Variants in GYS2 observed in about 807,000 individuals in gnomAD.
GYS2 encodes glycogen [starch] synthase, liver.
A neutral mutation model predicts 85.6 loss-of-function variants in GYS2; 80 were observed. The ratio of observed to expected loss-of-function variants is 0.93; its 90% confidence interval spans 0.78 to 1.13. GYS2 has a LOEUF of 1.13. GYS2 is among the 50% of genes most tolerant of loss of function. The probability of loss-of-function intolerance (pLI) is 0.00; values close to 1 mark genes in which losing one functional copy is unlikely to be tolerated. For synonymous variants in GYS2, 328 were observed against 300.7 expected, an observed-to-expected ratio of 1.09 and a Z score of -0.94; for missense variants, 881 against 854.9, an observed-to-expected ratio of 1.03 and a Z score of -0.38.
At chr12:21,568,603 A>G (rs565687812) in intron 5 of GYS2, among the ~76,000 whole-genome samples, 2 of 152,336 alleles carry the variant, frequency 1.3e-5, no homozygotes, top group Admixed American at 1.3e-4. Context: ...CATTATGACA[A>G]CCCAGGTCAT....
At position 21,550,314 on chromosome 12, in the gene GYS2, AACACACACACACACACACAC is replaced by A. The variant is rs10582787; in HGVS notation, c.1423-3864_1423-3845del. Among the ~76,000 whole-genome samples, 39 of 148,330 alleles carry A rather than the reference AACACACACACACACACACAC, an allele frequency of 2.6e-4. No individual in the cohort carries two copies. The East Asian group carries it at 6.5e-3, about 25-fold the overall frequency. On this transcript the variant is annotated intron_variant, in intron 11 of 15. Coordinates refer to ENST00000261195, the MANE Select transcript of GYS2 (RefSeq NM_021957.4). Reference sequence around the variant, plus strand: ...CCAAGTGCTCTGAGTAGACAGAAAGAACACACACACACACACACACACACACACACACACACACCCCTGGT... The same window carrying A: ...CCAAGTGCTCTGAGTAGACAGAAAGAACACACACACACACACACCCCTGGT...
intron 2 of GYS2, among the ~76,000 whole-genome samples, chr12:21,578,523 A>C (rs888615139): frequency 1.3e-5 from 2 of 152,078 alleles, no homozygotes; most frequent in Non-Finnish European, 2.9e-5. Context: ...TACATCTCAA[A>C]CATGTCCAAA....
At chr12:21,589,835 C>T (rs1198996275) in intron 1 of GYS2, among the ~76,000 whole-genome samples, 1 of 152,070 alleles carries the variant, frequency 6.6e-6, no homozygotes, top group Non-Finnish European at 1.5e-5. Context: ...CCCTGCCATC[C>T]CCATTACTGA....
intron 10 of GYS2, among the ~76,000 whole-genome samples, chr12:21,558,754 A>G (rs1298666158): frequency 6.6e-6 from 1 of 152,184 alleles, no homozygotes; most frequent in Non-Finnish European, 1.5e-5. Context: ...ACTAAGAAAT[A>G]TTCTTTTCTC....
At chr12:21,594,209 C>T (rs11494724) in intron 1 of GYS2, among the ~76,000 whole-genome samples, 7,688 of 152,104 alleles carry the variant, frequency 0.051, 261 homozygotes, top group Non-Finnish European at 0.07. Context: ...ATGCCCACTT[C>T]CATCACTCCT....
At position 21,546,487 on chromosome 12, in the gene GYS2, C is replaced by G; in HGVS notation, c.1423-17G>C. The G allele has an allele frequency of 6.4e-7, 1 of 1,557,598 alleles. No homozygotes were observed. Among genetic ancestry groups the G allele is most frequent in the Non-Finnish European group, 8.8e-7 (1 of 1,140,868 alleles). On this transcript the variant is annotated splice_polypyrimidine_tract_variant and intron_variant, in intron 11 of 15. Coordinates refer to ENST00000261195, the MANE Select transcript of GYS2 (RefSeq NM_021957.4). ...CAAAATCACCTAAAAAAGGAAAATT[C>G]TAATTTAAAAAAAAAGAAAAAGGAG...
At chr12:21,601,597 A>G (rs1944757202) in intron 1 of GYS2, among the ~76,000 whole-genome samples, 1 of 152,116 alleles carries the variant, frequency 6.6e-6, no homozygotes, top group African/African-American at 2.4e-5. Context: ...TCATCATTAG[A>G]GAGGTTTTTC....
Position 21,539,358 on chromosome 12 carries a change from T to C in GYS2, c.1810-20A>G. 7.1e-7 allele frequency: 1 copy of C among 1,417,456 alleles called. No individual in the cohort carries two copies. Among genetic ancestry groups the C allele is most frequent in the South Asian group, 1.2e-5 (1 of 86,882 alleles). 87.8% of individuals were successfully genotyped at this position (1,417,456 alleles called of 1,614,324 possible). A position where few individuals can be genotyped will look rare whatever the true frequency, so the allele number is the denominator to read the frequency against. On this transcript the variant is annotated intron_variant, in intron 14 of 15. Transcript: ENST00000261195. ...GTAATACTATTGATAGAAAGCCAAA[T>C]CACAGGTTAATAAAAACCCTTAGAT...
intron 10 of GYS2, among the ~76,000 whole-genome samples, 153 bp downstream of exon 10, chr12:21,558,938 G>A (rs749116298): frequency 6.6e-6 from 1 of 152,148 alleles, no homozygotes; most frequent in Non-Finnish European, 1.5e-5. Context: ...ATGAAAAAAT[G>A]TCCAAAGTAA....
intron 6 of GYS2, 58 bp from the exon 7 acceptor site, chr12:21,563,096 T>G (rs1944275369): frequency 7.5e-7 from 1 of 1,337,452 alleles, no homozygotes; most frequent in Admixed American, 1.7e-5. Context: ...TAACAAAATG[T>G]ACACATGAAT....
At chr12:21,571,431 T>C (rs903929637) in intron 4 of GYS2, among the ~76,000 whole-genome samples, 6 of 152,376 alleles carry the variant, frequency 3.9e-5, no homozygotes, top group Admixed American at 2.0e-4. Flanking sequence ...TCATAGTTTT[T>C]TATTGAATTC....
At position 21,536,616 on chromosome 12, in the gene GYS2, G is replaced by C; in HGVS notation, c.*338C>G. 3.2e-6 allele frequency: 1 copy of C among 308,498 alleles called. No individual in the cohort carries two copies. Among genetic ancestry groups the C allele is most frequent in the Non-Finnish European group, 6.1e-6 (1 of 164,068 alleles). The allele number at this position is 308,498 out of a possible 1,614,324, so 19.1% of individuals were successfully genotyped here. A position where few individuals can be genotyped will look rare whatever the true frequency, so the allele number is the denominator to read the frequency against. On this transcript the variant is annotated 3_prime_UTR_variant, in exon 16 of 16. Coordinates refer to ENST00000261195, the MANE Select transcript of GYS2 (RefSeq NM_021957.4). ...GGTAGAGAAGCTGCATAAATAGTAA[G>C]CAAAGGATTATGATGATCATTTAAA...
intron 11 of GYS2, among the ~76,000 whole-genome samples, chr12:21,550,289 C>T (rs1467032825): frequency 1.3e-5 from 2 of 149,014 alleles, no homozygotes; most frequent in Non-Finnish European, 3.0e-5. Flanking sequence ...ATTACTTCCC[C>T]CAAGTGCTCT....
At chr12:21,541,065 G>A (rs1943967367) in intron 13 of GYS2, among the ~76,000 whole-genome samples, 1 of 151,904 alleles carries the variant, frequency 6.6e-6, no homozygotes, top group South Asian at 2.1e-4. Context: ...TTGAGCCCAG[G>A]AGTTCAAGAC....
chr12:21,590,161 C>T (rs191847954), intron 1 of GYS2, among the ~76,000 whole-genome samples: 72 of 152,240 alleles, frequency 4.7e-4, no homozygotes, highest in African/African-American at 1.0e-3. Flanking sequence ...CAACACACCC[C>T]GCACCCCTTC....
intron 5 of GYS2, among the ~76,000 whole-genome samples, chr12:21,567,243 A>G (rs1417094660): frequency 6.6e-6 from 1 of 152,172 alleles, no homozygotes; most frequent in Non-Finnish European, 1.5e-5. Context: ...CAGCAGGAGA[A>G]AGGAGGAGAT....
chr12:21,598,029 C>T (rs949739704), intron 1 of GYS2, among the ~76,000 whole-genome samples: 6 of 151,704 alleles, frequency 4.0e-5, no homozygotes, highest in African/African-American at 1.5e-4. Flanking sequence ...ATGACAGAAA[C>T]CAGAGGTAGA....
chr12:21,600,307 C>T (rs940484888), intron 1 of GYS2, among the ~76,000 whole-genome samples: 23 of 151,924 alleles, frequency 1.5e-4, no homozygotes, highest in Admixed American at 1.4e-3. Context: ...TTTTAAATTT[C>T]TGTAGAAACA....
intron 2 of GYS2, among the ~76,000 whole-genome samples, chr12:21,579,170 A>G (rs1333643476): frequency 6.6e-6 from 1 of 152,076 alleles, no homozygotes; most frequent in Non-Finnish European, 1.5e-5. Flanking sequence ...TCCTCCCTTG[A>G]CTTGACATCA....
Sources: gnomAD v4.1 joint callset for allele counts (sites outside exome capture counted in the v4.1 genomes callset) on GRCh38, gnomAD v4.1.1 for gene constraint, MANE v1.5 for transcripts, NCBI Gene and HGNC (gene_info 2026-07-23, HGNC 2026-07-21) for gene names.